NFILZ: variants seen among roughly 807,000 people sequenced by gnomAD.
The protein encoded by NFILZ is NFIL3 like protein.
chr19:8,652,359 T>A (rs1555747786), intron 3 of NFILZ, among the ~76,000 whole-genome samples: 12 of 152,190 alleles, frequency 7.9e-5, no homozygotes. Context: ...CGCCTCGGCC[T>A]CCCAAAGTGC....
chr19:8,634,019 A>G (rs1287039157), intron 2 of NFILZ, among the ~76,000 whole-genome samples: 1 of 133,650 alleles, frequency 7.5e-6, no homozygotes, highest in Non-Finnish European at 1.6e-5. Context: ...TTTTTTTGAG[A>G]TAGAGTCTTG....
chr19:8,641,485 T>G (rs912208644), intron 3 of NFILZ, among the ~76,000 whole-genome samples: 4 of 152,202 alleles, frequency 2.6e-5, no homozygotes, highest in African/African-American at 9.6e-5. Context: ...TTGCAGATAG[T>G]TGTATGGTAT....
intron 3 of NFILZ, among the ~76,000 whole-genome samples, chr19:8,672,454 C>CAA (rs143520257): frequency 1.4e-5 from 2 of 144,430 alleles, no homozygotes; most frequent in African/African-American, 5.1e-5. Context: ...TTAGTTCATT[C>CAA]AAAAAATCCA....
rs1367303383 is a variant in NFILZ at position 8,656,377 on chromosome 19, A to AAGCCCACCTTCTCCCGC, written c.-163-18160_-163-18144dup. On this transcript the variant is annotated intron_variant, in intron 3 of 5. Coordinates refer to ENST00000691075, the MANE Select transcript of NFILZ (RefSeq NM_001378600.1). Reference sequence around the variant, plus strand: ...TTCCCTGAAGCCCACCTTCTCCCTGAAGCCCACCTTCTCCCGCAGCCCACC... The same window carrying AAGCCCACCTTCTCCCGC: ...TTCCCTGAAGCCCACCTTCTCCCTGAAGCCCACCTTCTCCCGCAGCCCACCTTCTCCCGCAGCCCACC... Among the ~76,000 whole-genome samples, 9 of 87,060 alleles carry AAGCCCACCTTCTCCCGC rather than the reference A, an allele frequency of 1.0e-4. 1 individual carries two copies. The highest frequency in any genetic ancestry group is 5.0e-4 in the East Asian group (2 of 4,036). The allele number at this position is 87,060 out of a possible 152,430, so 57.1% of individuals were successfully genotyped here. A position where few individuals can be genotyped will look rare whatever the true frequency, so the allele number is the denominator to read the frequency against.
At chr19:8,652,999 C>T (rs1395764816) in intron 3 of NFILZ, among the ~76,000 whole-genome samples, 13,180 of 40,810 alleles carry the variant, frequency 0.32, 2,348 homozygotes, top group Middle Eastern at 0.4. Context: ...TTCCTTCCTT[C>T]CTTCCTTCCT....
At chr19:8,652,992 C>T (rs1235907606) in intron 3 of NFILZ, among the ~76,000 whole-genome samples, 6,948 of 38,090 alleles carry the variant, frequency 0.18, 503 homozygotes, top group East Asian at 0.51. Flanking sequence ...TCCTTCCTTC[C>T]TTCCTTCCTT....
chr19:8,657,046 C>T (rs2043007385), intron 3 of NFILZ, among the ~76,000 whole-genome samples: 1 of 151,490 alleles, frequency 6.6e-6, no homozygotes, highest in African/African-American at 2.4e-5. Flanking sequence ...TCTGGGGGCT[C>T]TGCTGTTGAA....
chr19:8,641,788 A>G (rs2042920321), intron 3 of NFILZ, among the ~76,000 whole-genome samples: 1 of 151,942 alleles, frequency 6.6e-6, no homozygotes, highest in Non-Finnish European at 1.5e-5. Flanking sequence ...CACATGACAC[A>G]TATGTGAAGC....
chr19:8,639,628 G>T (rs1487579845), intron 3 of NFILZ, among the ~76,000 whole-genome samples: 4 of 151,426 alleles, frequency 2.6e-5, no homozygotes, highest in Admixed American at 2.0e-4. Context: ...TTTGCAGAAA[G>T]TACTCAAGCT....
chr19:8,648,410 C>A (rs782682305), intron 3 of NFILZ, among the ~76,000 whole-genome samples: 1 of 152,018 alleles, frequency 6.6e-6, no homozygotes, highest in Non-Finnish European at 1.5e-5. Flanking sequence ...ATTCTGGAGG[C>A]GGATGGTGGT....
intron 3 of NFILZ, among the ~76,000 whole-genome samples, chr19:8,660,290 T>C (rs1380235685): frequency 2.0e-5 from 3 of 151,978 alleles, no homozygotes; most frequent in African/African-American, 4.8e-5. Flanking sequence ...CATTCCTTCA[T>C]TCAACAAACA....
intron 3 of NFILZ, among the ~76,000 whole-genome samples, chr19:8,646,328 C>T (rs554616533): frequency 9.9e-5 from 15 of 152,276 alleles, no homozygotes; most frequent in Admixed American, 3.9e-4. Flanking sequence ...TGAGGCACTG[C>T]GCCCAGCCTA....
intron 3 of NFILZ, among the ~76,000 whole-genome samples, chr19:8,645,723 T>C (rs1478788937): frequency 6.6e-6 from 1 of 152,030 alleles, no homozygotes; most frequent in Non-Finnish European, 1.5e-5. Flanking sequence ...TGTGGACTAC[T>C]GGGGAAGGAT....
chr19:8,636,262 A>G (rs2042894039), intron 3 of NFILZ, among the ~76,000 whole-genome samples: 2 of 150,720 alleles, frequency 1.3e-5, no homozygotes, highest in Admixed American at 6.6e-5. Flanking sequence ...AGCCTGACCA[A>G]CATGGTGAAA....
chr19:8,659,646 C>T (rs904830182), intron 3 of NFILZ, among the ~76,000 whole-genome samples: 5 of 152,142 alleles, frequency 3.3e-5, no homozygotes, highest in Non-Finnish European at 7.3e-5. Flanking sequence ...AAGATCCCTC[C>T]AGCAGATAGT....
chr19:8,678,097 C>CCACTTGTT lies in NFILZ; in HGVS notation c.*464_*465insCTTGTTCA, dbSNP rs2043123498. ...CCATCAATCCATCCATCCATTCCAT[C>CCACTTGTT]CATCCATCCATCCATCCATCCATCC... On this transcript the variant is annotated 3_prime_UTR_variant, in exon 6 of 6. Transcript: ENST00000691075. 1.5e-5 allele frequency among the ~76,000 whole-genome samples: 2 copies of CCACTTGTT among 135,412 alleles called. No individual in the cohort carries two copies. Among genetic ancestry groups the CCACTTGTT allele is most frequent in the Non-Finnish European group, 3.1e-5 (2 of 63,766 alleles). 88.8% of individuals were successfully genotyped at this position (135,412 alleles called of 152,430 possible).
intron 1 of NFILZ, among the ~76,000 whole-genome samples, chr19:8,631,867 TTTTG>T (rs1166950716): frequency 3.3e-5 from 5 of 149,920 alleles, no homozygotes; most frequent in East Asian, 2.0e-4. Context: ...TGTGTGTGTG[TTTTG>T]TTTGTTTGTT....
intron 3 of NFILZ, among the ~76,000 whole-genome samples, chr19:8,645,489 G>A (rs782446142): frequency 8.6e-5 from 13 of 152,014 alleles, no homozygotes; most frequent in Non-Finnish European, 1.6e-4. Context: ...GCTGTGATTG[G>A]CTCCAAACCC....
Position 8,661,169 on chromosome 19 carries a change from C to T in NFILZ, c.-163-13382C>T, listed in dbSNP as rs183413953. Among the ~76,000 whole-genome samples the T allele has an allele frequency of 7.1e-3, 1,026 of 143,532 alleles. 5 individuals are homozygous for T. Among genetic ancestry groups the T allele is most frequent in the African/African-American group, 0.01 (393 of 38,374 alleles). The allele number at this position is 143,532 out of a possible 152,430, so 94.2% of individuals were successfully genotyped here. On this transcript the variant is annotated intron_variant, in intron 3 of 5. Coordinates refer to ENST00000691075, the MANE Select transcript of NFILZ (RefSeq NM_001378600.1). ...TCCCTTCCCTTTTCTCTCTCTCTCT[C>T]TTTTTTTCTTTCCTCCTTTCTTTTT...
Sources: gnomAD v4.1 joint callset for allele counts (sites outside exome capture counted in the v4.1 genomes callset) on GRCh38, gnomAD v4.1.1 for gene constraint, MANE v1.5 for transcripts, NCBI Gene and HGNC (gene_info 2026-07-23, HGNC 2026-07-21) for gene names.